Variants in PLCB4 observed in about 807,000 individuals in gnomAD.
The protein encoded by PLCB4 is phospholipase C beta 4, also known as 1-phosphatidylinositol 4,5-bisphosphate phosphodiesterase beta-4.
Under a neutral mutation model 178.8 loss-of-function variants are expected in PLCB4, and 77 were observed. The ratio of observed to expected loss-of-function variants is 0.43; its 90% CI spans 0.36 to 0.52. The LOEUF is 0.52. Among genes scored for constraint, PLCB4 ranks in the 20% least tolerant of loss-of-function variants. The pLI, the probability that PLCB4 is intolerant of heterozygous loss-of-function variation, is 0.00. For missense variants in PLCB4, 1,024 were observed against 1,453.4 expected, an observed-to-expected ratio of 0.70 and a Z score of 4.80; for synonymous variants, 496 against 490.8, an observed-to-expected ratio of 1.01 and a Z score of -0.14.
chr20:9,393,602 G>C lies in PLCB4; in HGVS notation c.1338G>C (p.Arg446Ser). 1 of 1,610,324 alleles carries C rather than the reference G, an allele frequency of 6.2e-7. No homozygotes were observed. The highest frequency in any genetic ancestry group is 8.5e-7 in the Non-Finnish European group (1 of 1,176,762). Residue 446 changes from arginine (R) to serine (S), a missense_variant, in exon 18 of 40, where the codon AGG (arginine) becomes AGC (serine). Arg to Ser is a moderately radical substitution (Grantham distance 110). Around this residue, in one of 7 missense-constraint regions of PLCB4, gnomAD observed 263 missense variants for 417.4 expected, o/e 0.63. Transcript: ENST00000378473. ...TTTCTCTCTAGCTTGAACCAGGCAG[G>C]GCTTTGCCATCCCCCAATGACCTCA... The part of the protein sequence containing the change: ...ALESHPLEPG[R>S]ALPSPNDLKR...
chr20:9,074,257 G>A (rs563539520), intron 1 of PLCB4, among the ~76,000 whole-genome samples: 102 of 152,294 alleles, frequency 6.7e-4, no homozygotes, highest in African/African-American at 2.4e-3. Flanking sequence ...GAATGATACA[G>A]GGTACTGTTA....
intron 7 of PLCB4, among the ~76,000 whole-genome samples, chr20:9,344,744 G>A (rs1568622785): frequency 6.6e-6 from 1 of 152,114 alleles, no homozygotes. Flanking sequence ...ATGTAATAGC[G>A]CTGCTGCTAA....
chr20:9,464,143 C>T (rs2043598016), intron 35 of PLCB4, among the ~76,000 whole-genome samples: 3 of 152,278 alleles, frequency 2.0e-5, no homozygotes, highest in African/African-American at 7.2e-5. Flanking sequence ...AACTGCAAAA[C>T]TACATGGAAA....
chr20:9,315,391 A>T (rs1488345324), intron 4 of PLCB4, among the ~76,000 whole-genome samples: 1 of 152,246 alleles, frequency 6.6e-6, no homozygotes, highest in Non-Finnish European at 1.5e-5. Context: ...AATGAACAAG[A>T]CAAACAAAGT....
At chr20:9,397,918 T>C (rs1330783583) in intron 19 of PLCB4, among the ~76,000 whole-genome samples, 1 of 152,194 alleles carries the variant, frequency 6.6e-6, no homozygotes, top group African/African-American at 2.4e-5. Context: ...TTTCTCCTGC[T>C]TTTGTCAGCA....
chr20:9,421,302 A>G lies in PLCB4; in HGVS notation c.2160A>G (p.Ile720Met), dbSNP rs922293587. 15 of 1,612,872 alleles carry G rather than the reference A, an allele frequency of 9.3e-6. No homozygotes were observed. The highest frequency in any genetic ancestry group is 1.3e-5 in the Non-Finnish European group (15 of 1,179,092). ...VIAATCSVQV[I>M]SGQFLSDKKI... ...TCTCGTTCGTGCTGCTACAGGTTAT[A>G]TCAGGTCAATTCTTATCAGATAAGA... Residue 720 changes from isoleucine (I) to methionine (M), a missense_variant, in exon 27 of 40, where the codon ATA becomes ATG. Physicochemically the swap from Ile to Met is conservative, Grantham distance 10. This residue lies in a region of PLCB4 where 227 missense variants were observed against 374.3 expected (regional missense o/e 0.61). Transcript: ENST00000378473.
At chr20:9,173,153 G>A (rs993478502) in intron 2 of PLCB4, among the ~76,000 whole-genome samples, 1 of 152,154 alleles carries the variant, frequency 6.6e-6, no homozygotes, top group Non-Finnish European at 1.5e-5. Flanking sequence ...GTGGTCTGGG[G>A]TGTAGCGTTG....
chr20:9,280,746 C>T (rs547492215), intron 3 of PLCB4, among the ~76,000 whole-genome samples: 2 of 151,792 alleles, frequency 1.3e-5, no homozygotes, highest in Non-Finnish European at 1.5e-5. Context: ...GAGGGAGATA[C>T]GGTCCTTACT....
At chr20:9,405,498 T>C in intron 21 of PLCB4, 150 bp downstream of exon 21, 1 of 556,396 alleles carries the variant, frequency 1.8e-6, no homozygotes, top group Non-Finnish European at 3.2e-6. Flanking sequence ...TTTCTAAAAG[T>C]AGGTATTTAA....
At chr20:9,289,260 C>T (rs1386868620) in intron 3 of PLCB4, among the ~76,000 whole-genome samples, 3 of 152,024 alleles carry the variant, frequency 2.0e-5, no homozygotes, top group African/African-American at 7.2e-5. Flanking sequence ...CCCCAAATAG[C>T]ATTGTAGACC....
intron 3 of PLCB4, among the ~76,000 whole-genome samples, chr20:9,269,388 G>A (rs536622572): frequency 6.6e-6 from 1 of 152,250 alleles, no homozygotes; most frequent in East Asian, 1.9e-4. Flanking sequence ...TTTATTTGAA[G>A]TACATTGGAA....
chr20:9,283,133 G>C (rs1396623707), intron 3 of PLCB4, among the ~76,000 whole-genome samples: 1 of 151,924 alleles, frequency 6.6e-6, no homozygotes, highest in Non-Finnish European at 1.5e-5. Context: ...CCTGGAGAAG[G>C]AGTGGTAAAT....
intron 8 of PLCB4, among the ~76,000 whole-genome samples, chr20:9,363,985 T>C (rs1238061341): frequency 6.6e-6 from 1 of 152,360 alleles, no homozygotes; most frequent in Non-Finnish European, 1.5e-5. Context: ...ATTCTTACAC[T>C]TGTGCCTCAC....
intron 3 of PLCB4, among the ~76,000 whole-genome samples, chr20:9,283,154 A>G (rs532179614): frequency 6.6e-6 from 1 of 152,090 alleles, no homozygotes; most frequent in East Asian, 2.0e-4. Context: ...ATATCCCCCC[A>G]GAAGGGACAC....
intron 2 of PLCB4, among the ~76,000 whole-genome samples, chr20:9,119,855 G>C (rs2091900486): frequency 6.6e-6 from 1 of 152,186 alleles, no homozygotes; most frequent in African/African-American, 2.4e-5. Context: ...AAACCACGCT[G>C]TTGCCTTAGG....
At chr20:9,368,840 G>T (rs952585221) in intron 9 of PLCB4, among the ~76,000 whole-genome samples, 1 of 152,158 alleles carries the variant, frequency 6.6e-6, no homozygotes, top group African/African-American at 2.4e-5. Context: ...AGGGGTGTTT[G>T]CTTTTGTAGC....
intron 1 of PLCB4, among the ~76,000 whole-genome samples, chr20:9,090,173 A>T (rs2090611345): frequency 6.6e-6 from 1 of 151,824 alleles, no homozygotes; most frequent in African/African-American, 2.4e-5. Context: ...AAATAACTGT[A>T]TAGGAGAAAA....
rs149645703 is a variant in PLCB4, at chr20:9,459,522, T to G, written c.3073-113T>G. The G allele has an allele frequency of 2.6e-3, 1,648 of 627,688 alleles. 20 individuals are homozygous for G. The highest frequency in any genetic ancestry group is 0.025 in the South Asian group (898 of 36,082). 38.9% of individuals were successfully genotyped at this position (627,688 alleles called of 1,614,324 possible). ...TTTGGTGGTTATAGGTGTCTCATGA[T>G]TCACCAATTAAGTTGGTGGGAGGAA... On this transcript the variant is annotated intron_variant, in intron 34 of 39. Transcript: ENST00000378473.
At chr20:9,148,749 C>G (rs536408639) in intron 2 of PLCB4, among the ~76,000 whole-genome samples, 20 of 152,264 alleles carry the variant, frequency 1.3e-4, no homozygotes, top group Non-Finnish European at 2.4e-4. Flanking sequence ...TAATGAAATC[C>G]TAACCATTTA....
Sources: allele counts gnomAD v4.1 joint callset (sites outside exome capture counted in the v4.1 genomes callset), GRCh38; gene constraint gnomAD v4.1.1; regional missense constraint gnomAD v4.1.1; transcripts MANE v1.5; gene names NCBI Gene and HGNC (gene_info 2026-07-23, HGNC 2026-07-21).